KCNQ1OT1: variants seen among roughly 807,000 people sequenced by gnomAD.
The protein encoded by KCNQ1OT1 is KCNQ1 opposite strand/antisense transcript 1.
chr11:2,646,713 G>A (rs1298229201), exon 1 of KCNQ1OT1: 5 of 398,356 alleles, frequency 1.3e-5, no homozygotes, highest in African/African-American at 6.2e-5. Context: ...ATGAGGTTTT[G>A]CCATGTTGCC....
chr11:2,686,049 TGGGGCA>T (rs1259823732), exon 1 of KCNQ1OT1: 7 of 399,250 alleles, frequency 1.8e-5, no homozygotes, highest in South Asian at 1.3e-4. Flanking sequence ...CACCATCTGA[TGGGGCA>T]GGGGCAGGGG....
At chr11:2,696,434 T>C in exon 1 of KCNQ1OT1, 2 of 398,702 alleles carry the variant, frequency 5.0e-6, no homozygotes, top group Non-Finnish European at 8.8e-6. Context: ...CTGAGCTCTC[T>C]TCTGGGCCTC....
chr11:2,677,099 C>A lies in KCNQ1OT1; in HGVS notation n.22896G>T. The A allele has an allele frequency of 5.0e-6, 2 of 398,608 alleles. No individual in the cohort carries two copies. 24.7% of individuals were successfully genotyped at this position (398,608 alleles called of 1,614,324 possible). ...TCAAATATATTCACTACTGAAATGA[C>A]CACTTATGAAATTAGTTTCCCTGAA... On this transcript the variant is annotated non_coding_transcript_exon_variant, in exon 1 of 1. Coordinates refer to ENST00000597346, the Ensembl canonical transcript of KCNQ1OT1. The surrounding 1 kb of genome is among the most constrained non-coding windows in gnomAD (Gnocchi z 4.5).
chr11:2,608,692 G>A lies in KCNQ1OT1; in HGVS notation n.91303C>T. 1 of 380,972 alleles carries A rather than the reference G, an allele frequency of 2.6e-6. No homozygotes were observed. Among genetic ancestry groups the A allele is most frequent in the South Asian group, 1.3e-4 (1 of 7,818 alleles). 23.6% of individuals were successfully genotyped at this position (380,972 alleles called of 1,614,324 possible). On this transcript the variant is annotated non_coding_transcript_exon_variant, in exon 1 of 1. Coordinates refer to ENST00000597346, the Ensembl canonical transcript of KCNQ1OT1. This position sits in a 1 kb window ranked among gnomAD's most constrained non-coding sequence, Gnocchi z 4.6. ...TTGTGCATGCTATTCTTGAACTCCTGGCCACAAGCAATTCTCGAACTCCTG... is the reference window on the plus strand; with the variant it reads ...TTGTGCATGCTATTCTTGAACTCCTAGCCACAAGCAATTCTCGAACTCCTG...
chr11:2,633,552 G>C (rs1203824889), exon 1 of KCNQ1OT1: 1 of 398,344 alleles, frequency 2.5e-6, no homozygotes, highest in Admixed American at 4.4e-5. Context: ...TTTATATGCT[G>C]AGAGATAGTA....
At chr11:2,667,174 T>G in exon 1 of KCNQ1OT1, 1 of 398,706 alleles carries the variant, frequency 2.5e-6, no homozygotes. Context: ...GCTTCCAGCC[T>G]GCCATCAGCC....
rs185999690 is a variant in KCNQ1OT1 at position 2,668,379 on chromosome 11, C to G, written n.31616G>C. ...TATGTTTACTCTTAGTGAATACTACCCAGCAGTCTACCAAAGGAGTCATTC... is the reference window on the plus strand; with the variant it reads ...TATGTTTACTCTTAGTGAATACTACGCAGCAGTCTACCAAAGGAGTCATTC... On this transcript the variant is annotated non_coding_transcript_exon_variant, in exon 1 of 1. Coordinates refer to ENST00000597346, the Ensembl canonical transcript of KCNQ1OT1. The surrounding 1 kb of genome is among the most constrained non-coding windows in gnomAD (Gnocchi z 4.3). 7.8e-5 allele frequency: 31 copies of G among 398,578 alleles called. No homozygotes were observed. Among genetic ancestry groups the G allele is most frequent in the African/African-American group, 6.2e-4 (30 of 48,736 alleles). 24.7% of individuals were successfully genotyped at this position (398,578 alleles called of 1,614,324 possible). A position where few individuals can be genotyped will look rare whatever the true frequency, so the allele number is the denominator to read the frequency against.
rs1850370793 is a variant in KCNQ1OT1 at position 2,680,234 on chromosome 11, T to G, written n.19761A>C. 7.5e-6 allele frequency: 3 copies of G among 397,386 alleles called. No homozygotes were observed. The South Asian group carries it at 3.8e-4, about 51-fold the overall frequency. 24.6% of individuals were successfully genotyped at this position (397,386 alleles called of 1,614,324 possible). Reference sequence around the variant, plus strand: ...AAAAAAAAAAAAAAAAAAAGTTGTCTATCTGTGTGTATATTCATATCCCAT... The same window carrying G: ...AAAAAAAAAAAAAAAAAAAGTTGTCGATCTGTGTGTATATTCATATCCCAT... On this transcript the variant is annotated non_coding_transcript_exon_variant, in exon 1 of 1. Coordinates refer to ENST00000597346, the Ensembl canonical transcript of KCNQ1OT1.
At chr11:2,688,522 C>A in exon 1 of KCNQ1OT1, 1 of 398,716 alleles carries the variant, frequency 2.5e-6, no homozygotes. Flanking sequence ...AGAGGTCACA[C>A]AGCCAGGCCA....
rs985530330 is a variant in KCNQ1OT1, at chr11:2,665,932, A to G, written n.34063T>C. On this transcript the variant is annotated non_coding_transcript_exon_variant, in exon 1 of 1. Coordinates refer to ENST00000597346, the Ensembl canonical transcript of KCNQ1OT1. Reference sequence around the variant, plus strand: ...CTCCAAGCAACCCTGGGAGGCTGAAATCATTTTTGTGAAATCCTCCCTCAC... The same window carrying G: ...CTCCAAGCAACCCTGGGAGGCTGAAGTCATTTTTGTGAAATCCTCCCTCAC... 17 of 398,350 alleles carry G rather than the reference A, an allele frequency of 4.3e-5. No homozygotes were observed. The Admixed American group carries it at 6.2e-4, about 14-fold the overall frequency. The allele number at this position is 398,350 out of a possible 1,614,324, so 24.7% of individuals were successfully genotyped here.
chr11:2,611,908 C>G lies in KCNQ1OT1; in HGVS notation n.88087G>C, dbSNP rs1222788240. On this transcript the variant is annotated non_coding_transcript_exon_variant, in exon 1 of 1. Transcript: ENST00000597346. This position sits in a 1 kb window ranked among gnomAD's most constrained non-coding sequence, Gnocchi z 5.3. ...GTAATCTGGAGGTTACAATAAGCAG[C>G]TTAAGCAAAAACAATCTGCTTCAGG... is the stretch of plus-strand genomic sequence containing the variant. The G allele has an allele frequency of 5.0e-6, 2 of 398,354 alleles. No individual in the cohort carries two copies. The highest frequency in any genetic ancestry group is 8.8e-6 in the Non-Finnish European group (2 of 226,040). The allele number at this position is 398,354 out of a possible 1,614,324, so 24.7% of individuals were successfully genotyped here.
At chr11:2,631,263 C>G (rs1849348250) in exon 1 of KCNQ1OT1, 1 of 398,410 alleles carries the variant, frequency 2.5e-6, no homozygotes, top group African/African-American at 2.1e-5. Flanking sequence ...TGTAAACTTC[C>G]CTTGTTACCT....
In KCNQ1OT1 at chr11:2,677,813, T is replaced by C. The variant is rs1850320077; in HGVS notation, n.22182A>G. 2.5e-6 allele frequency: 1 copy of C among 398,590 alleles called. No individual in the cohort carries two copies. Among genetic ancestry groups the C allele is most frequent in the Non-Finnish European group, 4.4e-6 (1 of 226,042 alleles). The allele number at this position is 398,590 out of a possible 1,614,324, so 24.7% of individuals were successfully genotyped here. A position where few individuals can be genotyped will look rare whatever the true frequency, so the allele number is the denominator to read the frequency against. On this transcript the variant is annotated non_coding_transcript_exon_variant, in exon 1 of 1. Coordinates refer to ENST00000597346, the Ensembl canonical transcript of KCNQ1OT1. The surrounding 1 kb of genome is among the most constrained non-coding windows in gnomAD (Gnocchi z 4.5). ...CCAGCAGGATTAAAATGTTCATTTA[T>C]GTTGTGATAGATACTGCCAAATAAG...
chr11:2,633,355 A>T (rs1849395868), exon 1 of KCNQ1OT1: 1 of 398,154 alleles, frequency 2.5e-6, no homozygotes, highest in South Asian at 1.3e-4. Context: ...ATTTCCTTTT[A>T]TGTGTAGGTT....
chr11:2,664,209 C>T lies in KCNQ1OT1; in HGVS notation n.35786G>A. The T allele has an allele frequency of 2.5e-6, 1 of 398,666 alleles. No homozygotes were observed. Among genetic ancestry groups the T allele is most frequent in the Non-Finnish European group, 4.4e-6 (1 of 226,216 alleles). The allele number at this position is 398,666 out of a possible 1,614,324, so 24.7% of individuals were successfully genotyped here. On this transcript the variant is annotated non_coding_transcript_exon_variant, in exon 1 of 1. Transcript: ENST00000597346. The surrounding 1 kb of genome is among the most constrained non-coding windows in gnomAD (Gnocchi z 5.1). ...CAGCCTGGGAAGGCAGGAAGGAGCCCAGGCATGGGGCTTGGGGTGAGGGAT... is the reference window on the plus strand; with the variant it reads ...CAGCCTGGGAAGGCAGGAAGGAGCCTAGGCATGGGGCTTGGGGTGAGGGAT...
rs944567847 is a variant in KCNQ1OT1 at position 2,623,562 on chromosome 11, G to A, written n.76433C>T. ...ATTGCCTTATTTCACATAGTAATAT[G>A]TTTTTTAATTACCTCCATATCTTTT... is the stretch of plus-strand genomic sequence containing the variant. On this transcript the variant is annotated non_coding_transcript_exon_variant, in exon 1 of 1. Coordinates refer to ENST00000597346, the Ensembl canonical transcript of KCNQ1OT1. This position sits in a 1 kb window ranked among gnomAD's most constrained non-coding sequence, Gnocchi z 5.2. The A allele has an allele frequency of 1.5e-5, 6 of 398,360 alleles. No homozygotes were observed. In the Admixed American group the frequency reaches 2.2e-4, roughly 15 times the overall value. The allele number at this position is 398,360 out of a possible 1,614,324, so 24.7% of individuals were successfully genotyped here.
chr11:2,692,304 A>T (rs760021905), exon 1 of KCNQ1OT1: 110 of 398,772 alleles, frequency 2.8e-4, no homozygotes, highest in Middle Eastern at 6.2e-4. Context: ...GCTTCCCTCC[A>T]TCCCTATTGC....
chr11:2,618,033 G>A, exon 1 of KCNQ1OT1: 2 of 398,422 alleles, frequency 5.0e-6, no homozygotes. Context: ...AAGTTTTTTA[G>A]TTTGATGGTA....
rs540312041 is a variant in KCNQ1OT1 at position 2,699,919 on chromosome 11, G to T, written n.76C>A. 1.5e-5 allele frequency: 6 copies of T among 398,454 alleles called. No homozygotes were observed. In the South Asian group the frequency reaches 6.4e-4, roughly 42 times the overall value. 24.7% of individuals were successfully genotyped at this position (398,454 alleles called of 1,614,324 possible). On this transcript the variant is annotated non_coding_transcript_exon_variant, in exon 1 of 1. Transcript: ENST00000597346. ...CTGAGAGGCACCCCGGCAGAATCGC[G>T]CTGAGGGGCGCCCTGGCAGGATCTT...
Sources: gnomAD v4.1 joint callset for allele counts on GRCh38, gnomAD v4.1.1 for gene constraint, Gnocchi (gnomAD v3.1) non-coding constraint, MANE v1.5 for transcripts, NCBI Gene and HGNC (gene_info 2026-07-23, HGNC 2026-07-21) for gene names.